EMB: variants seen among roughly 807,000 people sequenced by gnomAD.
EMB encodes the protein embigin.
EMB carries 31 observed loss-of-function variants against 41.4 expected under a neutral mutation model. The ratio of observed to expected loss-of-function variants is 0.75; its 90% CI spans 0.56 to 1.01. EMB has a LOEUF of 1.01. Ranked by LOEUF, EMB falls within the 50% of genes least tolerant of loss-of-function variation. The pLI is 0.00. For missense variants in EMB, 379 were observed against 388.3 expected, an observed-to-expected ratio of 0.98 and a Z score of 0.20; for synonymous variants, 137 against 140.4, an observed-to-expected ratio of 0.98 and a Z score of 0.17.
In EMB at chr5:50,420,249, A is replaced by T. The variant is rs185872470; in HGVS notation, c.196+7895T>A. Among the ~76,000 whole-genome samples, 118 of 152,322 alleles carry T rather than the reference A, an allele frequency of 7.7e-4. 1 individual carries two copies. Among genetic ancestry groups the T allele is most frequent in the African/African-American group, 2.7e-3 (114 of 41,568 alleles). The stretch of plus-strand genomic sequence containing the variant: ...GAGGTAAACACAAGTCTCAGCACAC[A>T]CCAGATCAAGATAAGGGCTCATAAA... On this transcript the variant is annotated intron_variant, in intron 2 of 8. Coordinates refer to ENST00000303221, the MANE Select transcript of EMB (RefSeq NM_198449.3).
At chr5:50,402,678 G>A (rs561347491) in intron 6 of EMB, among the ~76,000 whole-genome samples, 19 of 151,864 alleles carry the variant, frequency 1.3e-4, no homozygotes, top group South Asian at 2.1e-4. Flanking sequence ...GGCACAGGCC[G>A]CAAAAATAGG....
At chr5:50,433,702 C>T (rs1437691139) in intron 1 of EMB, among the ~76,000 whole-genome samples, 2 of 152,176 alleles carry the variant, frequency 1.3e-5, no homozygotes, top group Non-Finnish European at 2.9e-5. Flanking sequence ...TATAAGTTTT[C>T]ATAACAAATT....
chr5:50,403,416 A>T lies in EMB; in HGVS notation c.639T>A (p.Asn213Lys). ...VGVQMNKYVINGTYANETKLK... is the reference protein window; with the variant it reads ...VGVQMNKYVIKGTYANETKLK... ...GCTTTGTTTCGTTAGCATATGTTCC[A>T]TTGATCACATATTTATTCATTTGAA... Residue 213 changes from asparagine to lysine, a missense_variant, in exon 6 of 9, where the codon AAT (asparagine) becomes AAA (lysine). By Grantham distance (94) the Asn-to-Lys change is moderately conservative. Coordinates refer to ENST00000303221, the MANE Select transcript of EMB (RefSeq NM_198449.3). 6.2e-7 allele frequency: 1 copy of T among 1,612,432 alleles called. No individual in the cohort carries two copies. Among genetic ancestry groups the T allele is most frequent in the Non-Finnish European group, 8.5e-7 (1 of 1,178,988 alleles).
chr5:50,431,816 C>CT lies in EMB; in HGVS notation c.113-3590dup, dbSNP rs572762616. On this transcript the variant is annotated intron_variant, in intron 1 of 8. Transcript: ENST00000303221. ...AATAGTTGCTCAAGAGATTAAAAGACTTTTTTCTCTCTTTGCAGGGCAGTT... is the reference window on the plus strand; with the variant it reads ...AATAGTTGCTCAAGAGATTAAAAGACTTTTTTTCTCTCTTTGCAGGGCAGTT... Among the ~76,000 whole-genome samples, 61 of 152,218 alleles carry CT rather than the reference C, an allele frequency of 4.0e-4. No individual in the cohort carries two copies. The South Asian group carries it at 4.8e-3, about 12-fold the overall frequency.
chr5:50,399,362 T>C (rs1331180816), intron 8 of EMB, 72 bp from the exon 9 acceptor site: 1 of 1,580,720 alleles, frequency 6.3e-7, no homozygotes, highest in Admixed American at 1.8e-5. Context: ...ACTATCACTT[T>C]AGCAAAGCAA....
At chr5:50,424,171 T>C (rs1015535507) in intron 2 of EMB, among the ~76,000 whole-genome samples, 3 of 152,200 alleles carry the variant, frequency 2.0e-5, no homozygotes, top group Admixed American at 2.0e-4. Context: ...TTTTGATCGG[T>C]AGAAACTTCT....
Position 50,410,965 on chromosome 5 carries a change from C to T in EMB, c.384G>A (p.Arg128=). ...TTTGTTTGCTATTAATGATGGTGAA[C>T]CTAAAGATAATTCAAGTTATTAATA... The part of the protein sequence containing the change: ...ATGSTLYTQY[R]FTIINSKQMG... Residue 128 remains arginine (R), a splice_region_variant and synonymous_variant, in exon 4 of 9, where the codon AGG becomes AGA. Transcript: ENST00000303221. 1.3e-6 allele frequency: 2 copies of T among 1,587,710 alleles called. No homozygotes were observed. Among genetic ancestry groups the T allele is most frequent in the Non-Finnish European group, 1.7e-6 (2 of 1,168,472 alleles).
intron 7 of EMB, among the ~76,000 whole-genome samples, chr5:50,401,659 T>G (rs1745164727): frequency 2.0e-5 from 3 of 152,000 alleles, no homozygotes; most frequent in Admixed American, 2.0e-4. Context: ...CTCCTCATGC[T>G]TAACTCTAAA....
rs1241940852 is a variant in EMB, at chr5:50,411,371, A to T, written c.209T>A (p.Met70Lys). The change falls in exon 3 of 9, where the codon ATG becomes AAG. Residue 70 changes from methionine (M) to lysine (K), a missense_variant. Coordinates refer to ENST00000303221, the MANE Select transcript of EMB (RefSeq NM_198449.3). ...TAAAGTGATATTTTTTTCTACTGGC[A>T]TACTAGAATGTTCTATTAGCACAAA... The part of the protein sequence containing the change: ...HNISLTEHSS[M>K]PVEKNITLER... 1 of 1,599,690 alleles carries T rather than the reference A, an allele frequency of 6.3e-7. No homozygotes were observed. Among genetic ancestry groups the T allele is most frequent in the African/African-American group, 1.3e-5 (1 of 74,512 alleles).
At chr5:50,404,352 A>G (rs1745215312) in intron 5 of EMB, among the ~76,000 whole-genome samples, 1 of 151,982 alleles carries the variant, frequency 6.6e-6, no homozygotes, top group African/African-American at 2.4e-5. Flanking sequence ...CAGATTGGTC[A>G]GAGCTAATCA....
At position 50,399,841 on chromosome 5, in the gene EMB, C is replaced by T. The variant is rs745619976; in HGVS notation, c.966+18G>A. 6.4e-7 allele frequency: 1 copy of T among 1,573,852 alleles called. No individual in the cohort carries two copies. Among genetic ancestry groups the T allele is most frequent in the Non-Finnish European group, 8.7e-7 (1 of 1,151,282 alleles). ...GAATTTGACCTTTTATTTGGAATAT[C>T]ATTCAGAAGTAACTTACATTTTTTC... is the stretch of plus-strand genomic sequence containing the variant. On this transcript the variant is annotated intron_variant, in intron 8 of 8. Transcript: ENST00000303221.
At chr5:50,412,730 G>T (rs367682525) in intron 2 of EMB, among the ~76,000 whole-genome samples, 6 of 151,862 alleles carry the variant, frequency 4.0e-5, no homozygotes, top group Non-Finnish European at 8.8e-5. Context: ...TTTAATTCGC[G>T]GAGCCTGAAA....
intron 1 of EMB, among the ~76,000 whole-genome samples, chr5:50,439,487 ATTTTT>A (rs35139912): frequency 5.8e-5 from 8 of 137,538 alleles, no homozygotes; most frequent in African/African-American, 2.2e-4. Flanking sequence ...CGCACTTTTA[ATTTTT>A]TTTTTTTTTT....
chr5:50,440,954 G>T, intron 1 of EMB, 86 bp downstream of exon 1: 1 of 1,003,258 alleles, frequency 1.0e-6, no homozygotes, highest in Non-Finnish European at 1.3e-6. Context: ...CCCTTGCCCG[G>T]CGCGCCGGCG....
At chr5:50,413,967 T>C (rs770376790) in intron 2 of EMB, among the ~76,000 whole-genome samples, 11 of 152,082 alleles carry the variant, frequency 7.2e-5, no homozygotes, top group Non-Finnish European at 1.5e-4. Flanking sequence ...ACTCAAAAAA[T>C]ACTATTAAAA....
intron 2 of EMB, among the ~76,000 whole-genome samples, chr5:50,421,596 G>GT (rs746591283): frequency 1.3e-4 from 20 of 151,908 alleles, no homozygotes; most frequent in Non-Finnish European, 2.8e-4. Flanking sequence ...ACATGCACAC[G>GT]TATGTTTATT....
In EMB at chr5:50,441,098, G is replaced by C; in HGVS notation, c.54C>G (p.Leu18=). The part of the protein sequence containing the change: ...LEARARTPRL[L]LLQCLLAAAR... Reference sequence around the variant, plus strand: ...CGGCAGCGAGAAGGCACTGGAGGAGGAGCAGCCGGGGCGTACGCGCCCTGG... The same window carrying C: ...CGGCAGCGAGAAGGCACTGGAGGAGCAGCAGCCGGGGCGTACGCGCCCTGG... The change falls in exon 1 of 9, where the codon CTC becomes CTG. Residue 18 remains leucine (L), a synonymous_variant. Coordinates refer to ENST00000303221, the MANE Select transcript of EMB (RefSeq NM_198449.3). 8 of 1,519,536 alleles carry C rather than the reference G, an allele frequency of 5.3e-6. No homozygotes were observed. Among genetic ancestry groups the C allele is most frequent in the Non-Finnish European group, 7.0e-6 (8 of 1,137,206 alleles). The allele number at this position is 1,519,536 out of a possible 1,614,324, so 94.1% of individuals were successfully genotyped here.
chr5:50,409,567 G>A lies in EMB; in HGVS notation c.472+1310C>T, dbSNP rs185789502. Among the ~76,000 whole-genome samples, 839 of 151,544 alleles carry A rather than the reference G, an allele frequency of 5.5e-3. 6 individuals are homozygous for A. The highest frequency in any genetic ancestry group is 5.9e-3 in the Non-Finnish European group (403 of 67,884). Reference sequence around the variant, plus strand: ...TTTTTGCTCATTGGGAAGAAAAAGAGAAAGGGAGGAAAAAAGGAAGGAAGG... The same window carrying A: ...TTTTTGCTCATTGGGAAGAAAAAGAAAAAGGGAGGAAAAAAGGAAGGAAGG... On this transcript the variant is annotated intron_variant, in intron 4 of 8. Transcript: ENST00000303221.
chr5:50,401,916 T>C (rs572121414), intron 7 of EMB, among the ~76,000 whole-genome samples: 4 of 152,124 alleles, frequency 2.6e-5, no homozygotes, highest in African/African-American at 9.6e-5. Flanking sequence ...TTGAGAACTA[T>C]TGCTTTAAAA....
Sources: allele counts gnomAD v4.1 joint callset (sites outside exome capture counted in the v4.1 genomes callset), GRCh38; gene constraint gnomAD v4.1.1; transcripts MANE v1.5; gene names NCBI Gene and HGNC (gene_info 2026-07-23, HGNC 2026-07-21).